Variants in SLC25A21 observed in about 807,000 individuals in gnomAD.
SLC25A21 encodes solute carrier family 25 member 21, also known as mitochondrial 2-oxodicarboxylate carrier.
A neutral mutation model predicts 43.8 loss-of-function variants in SLC25A21; 47 were observed. The observed-to-expected ratio is 1.07, with a 90% CI of 0.85 to 1.37. SLC25A21 has a LOEUF of 1.37. Among genes scored for constraint, SLC25A21 ranks in the 40% most tolerant of loss-of-function variants. SLC25A21 has a pLI of 0.00. For synonymous variants in SLC25A21, 131 were observed against 121.3 expected, an observed-to-expected ratio of 1.08 and a Z score of -0.52; for missense variants, 352 against 350.2, an observed-to-expected ratio of 1.00 and a Z score of -0.04.
intron 1 of SLC25A21, among the ~76,000 whole-genome samples, chr14:37,100,965 C>T (rs1962805910): frequency 6.6e-6 from 1 of 152,166 alleles, no homozygotes; most frequent in Admixed American, 6.5e-5. Flanking sequence ...CTGTCTCACC[C>T]AGCCCATTTG....
At chr14:36,730,598 T>C (rs986367212) in intron 4 of SLC25A21, among the ~76,000 whole-genome samples, 3 of 152,238 alleles carry the variant, frequency 2.0e-5, no homozygotes, top group African/African-American at 7.2e-5. Context: ...ATGGCTTCAG[T>C]GAGTGTTTGG....
intron 3 of SLC25A21, among the ~76,000 whole-genome samples, chr14:36,796,577 A>G (rs539928289): frequency 1.3e-5 from 2 of 152,016 alleles, no homozygotes; most frequent in African/African-American, 4.8e-5. Context: ...GACCTTGGGG[A>G]GCTCACTACT....
At chr14:36,953,467 T>C (rs530123189) in intron 1 of SLC25A21, among the ~76,000 whole-genome samples, 3 of 152,160 alleles carry the variant, frequency 2.0e-5, no homozygotes, top group Non-Finnish European at 2.9e-5. Context: ...CAAAACACGA[T>C]TGTGAAGTTT....
At chr14:37,050,580 C>T (rs1961682305) in intron 1 of SLC25A21, among the ~76,000 whole-genome samples, 1 of 152,114 alleles carries the variant, frequency 6.6e-6, no homozygotes, top group Non-Finnish European at 1.5e-5. Context: ...AACAGTACCA[C>T]GTATTCTAGT....
chr14:37,035,100 T>C (rs1213488335), intron 1 of SLC25A21, among the ~76,000 whole-genome samples: 2 of 152,222 alleles, frequency 1.3e-5, no homozygotes, highest in Admixed American at 1.3e-4. Context: ...AAGTGACTCA[T>C]AAAGAAACAC....
chr14:36,797,022 G>T (rs1204338560), intron 3 of SLC25A21, among the ~76,000 whole-genome samples: 1 of 152,146 alleles, frequency 6.6e-6, no homozygotes, highest in Non-Finnish European at 1.5e-5. Flanking sequence ...TTAAGGTGGA[G>T]GAGTGTGGGA....
chr14:36,734,392 G>C, intron 4 of SLC25A21, 115 bp downstream of exon 4: 3 of 621,732 alleles, frequency 4.8e-6, no homozygotes, highest in Non-Finnish European at 7.9e-6. Flanking sequence ...TATAATTTCT[G>C]CATTAAAATT....
intron 1 of SLC25A21, among the ~76,000 whole-genome samples, chr14:36,881,877 A>G (rs771404992): frequency 2.0e-5 from 3 of 152,200 alleles, no homozygotes; most frequent in Non-Finnish European, 4.4e-5. Flanking sequence ...AGCCATAAAC[A>G]TAATTAAAGG....
chr14:36,742,405 T>G (rs1359439634), intron 3 of SLC25A21, among the ~76,000 whole-genome samples: 1 of 152,154 alleles, frequency 6.6e-6, no homozygotes, highest in Non-Finnish European at 1.5e-5. Context: ...GTCCTGACAC[T>G]ACACACTACA....
chr14:36,970,937 A>G (rs1474156884), intron 1 of SLC25A21, among the ~76,000 whole-genome samples: 1 of 152,192 alleles, frequency 6.6e-6, no homozygotes, highest in African/African-American at 2.4e-5. Flanking sequence ...TATAGAGTCT[A>G]TGTTTATATA....
At chr14:37,076,237 T>C (rs1011553572) in intron 1 of SLC25A21, among the ~76,000 whole-genome samples, 4 of 152,034 alleles carry the variant, frequency 2.6e-5, no homozygotes, top group Admixed American at 2.6e-4. Flanking sequence ...CTCAGCTCAC[T>C]GCAACCTCCA....
At chr14:37,019,647 A>C (rs1021700982) in intron 1 of SLC25A21, among the ~76,000 whole-genome samples, 3 of 117,994 alleles carry the variant, frequency 2.5e-5, no homozygotes, top group Non-Finnish European at 5.0e-5. Context: ...CAAGGAGACA[A>C]CTGGTAAAAA....
At chr14:36,994,595 C>T (rs1257651771) in intron 1 of SLC25A21, among the ~76,000 whole-genome samples, 1 of 152,160 alleles carries the variant, frequency 6.6e-6, no homozygotes, top group East Asian at 1.9e-4. Flanking sequence ...TTACCATAGG[C>T]AGAGTGGGAG....
intron 1 of SLC25A21, among the ~76,000 whole-genome samples, chr14:36,904,154 T>C (rs754409321): frequency 2.0e-5 from 3 of 152,148 alleles, no homozygotes; most frequent in Non-Finnish European, 4.4e-5. Flanking sequence ...GGTGATGCGA[T>C]TGAGGGGGAC....
intron 1 of SLC25A21, among the ~76,000 whole-genome samples, chr14:37,032,537 A>G (rs1045500789): frequency 1.3e-5 from 2 of 151,974 alleles, no homozygotes; most frequent in Non-Finnish European, 2.9e-5. Flanking sequence ...CACTGTCTCA[A>G]CAACAACAAC....
chr14:36,768,849 C>T (rs544326712), intron 3 of SLC25A21, among the ~76,000 whole-genome samples: 1 of 150,510 alleles, frequency 6.6e-6, no homozygotes, highest in Non-Finnish European at 1.5e-5. Context: ...AATTTCAGCA[C>T]TTTGGAAGGC....
At chr14:36,752,998 A>AT (rs1272367011) in intron 3 of SLC25A21, among the ~76,000 whole-genome samples, 16 of 152,280 alleles carry the variant, frequency 1.1e-4, no homozygotes, top group African/African-American at 3.9e-4. Context: ...GAACTAATAA[A>AT]TGTATGATGC....
chr14:36,678,181 T>G lies in SLC25A21; in HGVS notation c.*2477A>C. 6.9e-6 allele frequency: 3 copies of G among 435,280 alleles called. No individual in the cohort carries two copies. The highest frequency in any genetic ancestry group is 1.3e-5 in the Non-Finnish European group (3 of 239,168). 27.0% of individuals were successfully genotyped at this position (435,280 alleles called of 1,614,324 possible). A position where few individuals can be genotyped will look rare whatever the true frequency, so the allele number is the denominator to read the frequency against. On this transcript the variant is annotated 3_prime_UTR_variant, in exon 10 of 10. Coordinates refer to ENST00000331299, the MANE Select transcript of SLC25A21 (RefSeq NM_030631.4). ...TACATGGCAATGCGGTTCCACCACA[T>G]CGGTTTCGTGGCTTCGTTTAAAACT...
At chr14:37,019,766 T>C (rs1385992660) in intron 1 of SLC25A21, among the ~76,000 whole-genome samples, 2 of 151,684 alleles carry the variant, frequency 1.3e-5, no homozygotes, top group East Asian at 1.9e-4. Flanking sequence ...GAAAGGGACA[T>C]TGGGGCTGGA....
Sources: allele counts gnomAD v4.1 joint callset (sites outside exome capture counted in the v4.1 genomes callset), GRCh38; gene constraint gnomAD v4.1.1; transcripts MANE v1.5; gene names NCBI Gene and HGNC (gene_info 2026-07-23, HGNC 2026-07-21).